Variants in C10orf90 observed in about 807,000 individuals in gnomAD.
C10orf90 encodes chromosome 10 open reading frame 90, also known as (E2-independent) E3 ubiquitin-conjugating enzyme FATS.
Under a neutral mutation model 62.5 loss-of-function variants are expected in C10orf90, and 56 were observed. The ratio of observed to expected loss-of-function variants is 0.90; its 90% CI spans 0.72 to 1.12. The LOEUF is 1.12. C10orf90 is among the 50% of genes most tolerant of loss of function. The pLI, the probability that C10orf90 is intolerant of heterozygous loss-of-function variation, is 0.00. For synonymous variants in C10orf90, 386 were observed against 340.4 expected, an observed-to-expected ratio of 1.13 and a Z score of -1.47; for missense variants, 970 against 880.4, an observed-to-expected ratio of 1.10 and a Z score of -1.29.
At chr10:126,442,497 A>ATATATATATATATATATATATATC (rs1168803860) in intron 7 of C10orf90, among the ~76,000 whole-genome samples, 1 of 110,420 alleles carries the variant, frequency 9.1e-6, no homozygotes, top group Admixed American at 9.2e-5. Flanking sequence ...ATATATATAT[A>ATATATATATATATATATATATATC]TATATATATA....
chr10:126,448,660 A>G (rs1341070806), intron 7 of C10orf90, among the ~76,000 whole-genome samples: 1 of 152,214 alleles, frequency 6.6e-6, no homozygotes, highest in African/African-American at 2.4e-5. Context: ...GACTGAAGAG[A>G]GAAGACAAAT....
chr10:126,448,607 T>A (rs1046660049), intron 7 of C10orf90, among the ~76,000 whole-genome samples: 1 of 152,110 alleles, frequency 6.6e-6, no homozygotes, highest in African/African-American at 2.4e-5. Flanking sequence ...AACTGAAAAT[T>A]GTTTTTTTGA....
intron 2 of C10orf90, among the ~76,000 whole-genome samples, chr10:126,544,907 A>T (rs1273429147): frequency 6.6e-6 from 1 of 152,148 alleles, no homozygotes; most frequent in Non-Finnish European, 1.5e-5. Flanking sequence ...GATTGGCACC[A>T]GTAGGGTGAC....
chr10:126,615,237 A>G (rs2133807808), intron 2 of C10orf90, among the ~76,000 whole-genome samples: 1 of 152,264 alleles, frequency 6.6e-6, no homozygotes, highest in South Asian at 2.1e-4. Flanking sequence ...AAGTCACATG[A>G]CCCAGTCCAG....
intron 7 of C10orf90, among the ~76,000 whole-genome samples, chr10:126,435,583 C>A (rs1857861059): frequency 1.3e-5 from 2 of 152,158 alleles, no homozygotes; most frequent in African/African-American, 4.8e-5. Flanking sequence ...AGGAGAGACC[C>A]CTGATACAAT....
At chr10:126,632,270 GA>G (rs1459874454) in intron 2 of C10orf90, among the ~76,000 whole-genome samples, 2 of 151,932 alleles carry the variant, frequency 1.3e-5, no homozygotes, top group African/African-American at 2.4e-5. Context: ...CAAGGAGGGT[GA>G]CACAGGCAGT....
At chr10:126,666,884 G>T (rs1045844222) in intron 1 of C10orf90, among the ~76,000 whole-genome samples, 10 of 151,178 alleles carry the variant, frequency 6.6e-5, no homozygotes, top group African/African-American at 2.4e-4. Context: ...GGAGGCTGAG[G>T]CAGGAGAATC....
At chr10:126,512,963 T>C (rs553438300) in intron 3 of C10orf90, among the ~76,000 whole-genome samples, 1 of 152,316 alleles carries the variant, frequency 6.6e-6, no homozygotes, top group South Asian at 2.1e-4. Context: ...ACAAGCGTTT[T>C]GGGTAAAAAA....
At chr10:126,630,470 C>T (rs1336177134) in intron 2 of C10orf90, among the ~76,000 whole-genome samples, 8 of 151,884 alleles carry the variant, frequency 5.3e-5, no homozygotes, top group East Asian at 1.9e-4. Flanking sequence ...ATGGTGGGGT[C>T]GGGAACGGGG....
intron 2 of C10orf90, among the ~76,000 whole-genome samples, chr10:126,555,780 T>C (rs1347305263): frequency 6.6e-6 from 1 of 151,632 alleles, no homozygotes; most frequent in Non-Finnish European, 1.5e-5. Flanking sequence ...TCAATGCGAG[T>C]GGAGTCAGCA....
chr10:126,663,213 A>G (rs1366921286), intron 1 of C10orf90, among the ~76,000 whole-genome samples: 2 of 152,174 alleles, frequency 1.3e-5, no homozygotes, highest in Admixed American at 1.3e-4. Flanking sequence ...AGGAAAGAGA[A>G]AGAGCACCCG....
intron 2 of C10orf90, among the ~76,000 whole-genome samples, chr10:126,546,766 T>A (rs1196697361): frequency 6.6e-6 from 1 of 152,180 alleles, no homozygotes. Context: ...AAAAAGCCAA[T>A]TAAAATAGAA....
At chr10:126,666,750 G>T (rs576073403) in intron 1 of C10orf90, among the ~76,000 whole-genome samples, 1 of 151,968 alleles carries the variant, frequency 6.6e-6, no homozygotes, top group Non-Finnish European at 1.5e-5. Context: ...AGATCAAGGC[G>T]GGCGGATCAT....
chr10:126,521,477 A>G, intron 2 of C10orf90: 1 of 1,465,176 alleles, frequency 6.8e-7, no homozygotes, highest in Non-Finnish European at 9.0e-7. Flanking sequence ...CGGCCAAAGA[A>G]CCTCAAAGCT....
At chr10:126,638,898 GT>G (rs967733966) in intron 2 of C10orf90, among the ~76,000 whole-genome samples, 5 of 152,198 alleles carry the variant, frequency 3.3e-5, no homozygotes, top group Admixed American at 6.5e-5. Flanking sequence ...CCAGTGCTGG[GT>G]ATCATGTGTG....
intron 4 of C10orf90, chr10:126,502,623 A>C: frequency 3.5e-6 from 1 of 285,940 alleles, no homozygotes; most frequent in Non-Finnish European, 7.0e-6. Context: ...AAGTACTATA[A>C]ATCCAAATTA....
intron 2 of C10orf90, among the ~76,000 whole-genome samples, chr10:126,602,631 A>T (rs904571249): frequency 1.3e-5 from 2 of 152,208 alleles, no homozygotes; most frequent in African/African-American, 4.8e-5. Flanking sequence ...GCCCATAACC[A>T]CACGAGTGCT....
At chr10:126,527,377 C>T (rs545717938) in intron 2 of C10orf90, among the ~76,000 whole-genome samples, 72 of 152,216 alleles carry the variant, frequency 4.7e-4, no homozygotes, top group Non-Finnish European at 2.8e-4. Flanking sequence ...AAATGTCTAT[C>T]CAGATCCTTT....
chr10:126,555,847 G>T (rs1189804996), intron 2 of C10orf90, among the ~76,000 whole-genome samples: 1 of 147,682 alleles, frequency 6.8e-6, no homozygotes, highest in Non-Finnish European at 1.5e-5. Context: ...CCACATGAAT[G>T]GTTAATTCAC....
Sources: gnomAD v4.1 joint callset for allele counts (sites outside exome capture counted in the v4.1 genomes callset) on GRCh38, gnomAD v4.1.1 for gene constraint, MANE v1.5 for transcripts, NCBI Gene and HGNC (gene_info 2026-07-23, HGNC 2026-07-21) for gene names.